The following SLIT3 variants were observed in gnomAD, a reference collection of about 807,000 sequenced individuals.
SLIT3 encodes slit homolog 3 protein.
SLIT3 carries 68 observed loss-of-function variants against 184.0 expected under a neutral mutation model. That is an observed-to-expected ratio of 0.37 (90% CI 0.30 to 0.45). SLIT3 has a LOEUF of 0.45. SLIT3 is among the 20% of genes least tolerant of loss of function. The probability of loss-of-function intolerance (pLI) is 1.00; values close to 1 mark genes in which losing one functional copy is unlikely to be tolerated. For missense variants in SLIT3, 1,707 were observed against 2,026.0 expected (o/e 0.84, Z 3.02); for synonymous variants, 831 against 828.6 (o/e 1.00, Z -0.05).
chr5:169,129,323 G>C (rs1761200518), intron 4 of SLIT3, among the ~76,000 whole-genome samples: 1 of 152,114 alleles, frequency 6.6e-6, no homozygotes, highest in Non-Finnish European at 1.5e-5. Context: ...AGGCCAAGTG[G>C]GGAGGATCAT....
At chr5:168,800,708 G>A (rs546064069) in intron 9 of SLIT3, among the ~76,000 whole-genome samples, 9 of 152,370 alleles carry the variant, frequency 5.9e-5, no homozygotes, top group Middle Eastern at 3.4e-3. Context: ...TTCCCAACCT[G>A]TGCTGTGTGT....
intron 4 of SLIT3, among the ~76,000 whole-genome samples, chr5:169,066,458 C>CA (rs1198902961): frequency 6.6e-6 from 1 of 151,946 alleles, no homozygotes; most frequent in Non-Finnish European, 1.5e-5. Context: ...CTTACAAGAC[C>CA]AAAAAAAGTG....
At chr5:169,283,248 T>C (rs897499274) in intron 1 of SLIT3, among the ~76,000 whole-genome samples, 3 of 152,188 alleles carry the variant, frequency 2.0e-5, no homozygotes, top group Admixed American at 6.6e-5. Flanking sequence ...TCTTATGAAC[T>C]TGAGTGAAAG....
At chr5:168,679,756 C>T (rs896189211) in intron 32 of SLIT3, among the ~76,000 whole-genome samples, 1 of 152,188 alleles carries the variant, frequency 6.6e-6, no homozygotes, top group Admixed American at 6.5e-5. Context: ...CACACTCTCT[C>T]GGCTCTGTCT....
intron 4 of SLIT3, among the ~76,000 whole-genome samples, chr5:168,885,898 T>A (rs1760186407): frequency 6.6e-6 from 1 of 152,176 alleles, no homozygotes; most frequent in South Asian, 2.1e-4. Context: ...AGGAGAGCGA[T>A]ATTTAAGCAG....
intron 4 of SLIT3, among the ~76,000 whole-genome samples, chr5:169,053,984 G>A (rs1326103620): frequency 6.6e-5 from 10 of 151,998 alleles, no homozygotes; most frequent in South Asian, 2.1e-4. Flanking sequence ...CCAGCTACTC[G>A]GGAAGCTGAG....
intron 32 of SLIT3, among the ~76,000 whole-genome samples, chr5:168,674,489 C>CTTTTTTTTTT (rs141548947): frequency 8.3e-6 from 1 of 119,902 alleles, no homozygotes; most frequent in Admixed American, 9.6e-5. Context: ...GGGATATTCA[C>CTTTTTTTTTT]TTTTTTTTTT....
chr5:169,213,503 G>A (rs1764339566), intron 3 of SLIT3, among the ~76,000 whole-genome samples: 1 of 152,178 alleles, frequency 6.6e-6, no homozygotes, highest in African/African-American at 2.4e-5. Context: ...CAAAGCTGGA[G>A]GCATCATGCT....
At chr5:169,151,023 A>G (rs906443277) in intron 4 of SLIT3, among the ~76,000 whole-genome samples, 4 of 152,156 alleles carry the variant, frequency 2.6e-5, no homozygotes, top group African/African-American at 9.7e-5. Context: ...GATAAGAAGG[A>G]TCTAGTAGTG....
At chr5:169,139,212 C>T (rs968571739) in intron 4 of SLIT3, among the ~76,000 whole-genome samples, 7 of 152,200 alleles carry the variant, frequency 4.6e-5, no homozygotes, top group Admixed American at 3.3e-4. Flanking sequence ...GTACCTAGCA[C>T]TGTGCTCTTA....
At chr5:169,203,406 A>G (rs1035072964) in intron 3 of SLIT3, among the ~76,000 whole-genome samples, 5 of 151,888 alleles carry the variant, frequency 3.3e-5, no homozygotes, top group Non-Finnish European at 7.4e-5. Context: ...AATAATGTAC[A>G]TGCAAGTTAA....
rs1761041611 is a variant in SLIT3 at position 168,666,361 on chromosome 5, T to G, written c.*93A>C. 1 of 1,251,826 alleles carries G rather than the reference T, an allele frequency of 8.0e-7. No homozygotes were observed. Among genetic ancestry groups the G allele is most frequent in the African/African-American group, 1.5e-5 (1 of 66,690 alleles). 77.5% of individuals were successfully genotyped at this position (1,251,826 alleles called of 1,614,324 possible). ...TTCTTTACCTTCCTCTCCAGCTTCA[T>G]TTCCTTCATGCTGAATCACCAGGGG... is the stretch of plus-strand genomic sequence containing the variant. On this transcript the variant is annotated 3_prime_UTR_variant, in exon 36 of 36. Coordinates refer to ENST00000519560, the MANE Select transcript of SLIT3 (RefSeq NM_003062.4).
chr5:168,961,067 T>C (rs1762988994), intron 4 of SLIT3, among the ~76,000 whole-genome samples: 1 of 152,136 alleles, frequency 6.6e-6, no homozygotes, highest in South Asian at 2.1e-4. Flanking sequence ...ATCTCTAACA[T>C]CCCCTCCAGC....
chr5:169,104,120 A>G (rs1760114913), intron 4 of SLIT3, among the ~76,000 whole-genome samples: 1 of 151,906 alleles, frequency 6.6e-6, no homozygotes, highest in Non-Finnish European at 1.5e-5. Context: ...TTTTCTTCTT[A>G]CCTCTCCTTC....
chr5:169,143,054 T>C (rs2113348913), intron 4 of SLIT3, among the ~76,000 whole-genome samples: 1 of 152,328 alleles, frequency 6.6e-6, no homozygotes, highest in East Asian at 1.9e-4. Flanking sequence ...TGGATCCTAA[T>C]AGCCAGTAAG....
chr5:168,668,569 C>T (rs975822296), intron 35 of SLIT3, among the ~76,000 whole-genome samples: 7 of 152,230 alleles, frequency 4.6e-5, no homozygotes, highest in African/African-American at 1.2e-4. Flanking sequence ...AGAATCTTAA[C>T]TTTGGCAGTA....
At chr5:169,088,883 G>C (rs931023218) in intron 4 of SLIT3, among the ~76,000 whole-genome samples, 3 of 151,766 alleles carry the variant, frequency 2.0e-5, no homozygotes, top group Non-Finnish European at 2.9e-5. Flanking sequence ...AGCCAGGCAT[G>C]GTGGCGCATG....
chr5:168,779,293 C>A (rs1028217677), intron 12 of SLIT3, among the ~76,000 whole-genome samples: 4 of 152,328 alleles, frequency 2.6e-5, no homozygotes, highest in African/African-American at 9.6e-5. Flanking sequence ...CCTAAGGGAG[C>A]CACCTGAGGC....
At chr5:168,677,764 T>A (rs1002968978) in intron 32 of SLIT3, among the ~76,000 whole-genome samples, 2 of 152,196 alleles carry the variant, frequency 1.3e-5, no homozygotes, top group African/African-American at 4.8e-5. Context: ...CTGGTTTTAA[T>A]GGGCAATACG....
Sources: allele counts gnomAD v4.1 joint callset (sites outside exome capture counted in the v4.1 genomes callset), GRCh38; gene constraint gnomAD v4.1.1; transcripts MANE v1.5; gene names NCBI Gene and HGNC (gene_info 2026-07-23, HGNC 2026-07-21).